LOC730098: variants seen among roughly 807,000 people sequenced by gnomAD.
At chr9:34,665,598 C>G in the LOC730098 span, 2 of 677,826 alleles carry the variant, frequency 3.0e-6, no homozygotes, top group Non-Finnish European at 5.4e-6. Flanking sequence ...CTCCGCAGAA[C>G]CCGCCTCCAC....
the LOC730098 span, chr9:34,665,508 G>T: frequency 1.4e-6 from 1 of 697,168 alleles, no homozygotes; most frequent in South Asian, 1.5e-5. Flanking sequence ...TCGCGCCCAC[G>T]CCCCTGGGAG....
chr9:34,665,227 G>A, the LOC730098 span: 2 of 681,522 alleles, frequency 2.9e-6, no homozygotes, highest in African/African-American at 3.5e-5. Context: ...AGGCGGGGCG[G>A]GAGCTACCGG....
the LOC730098 span, chr9:34,665,102 A>C: frequency 1.2e-5 from 7 of 598,080 alleles, no homozygotes; most frequent in Admixed American, 2.1e-4. Flanking sequence ...CCACGACCCG[A>C]GCGCTGGGGA....
chr9:34,665,973 G>A, the LOC730098 span: 1 of 465,790 alleles, frequency 2.1e-6, no homozygotes, highest in Non-Finnish European at 3.9e-6. Flanking sequence ...AGGGGCTGGG[G>A]TCACCTGGAG....
chr9:34,665,333 T>G, the LOC730098 span: 4 of 657,714 alleles, frequency 6.1e-6, no homozygotes, highest in Non-Finnish European at 1.1e-5. Context: ...CTCCGCCACA[T>G]GCGAAGCCAG....
chr9:34,665,239 T>C, the LOC730098 span: 1 of 688,898 alleles, frequency 1.5e-6, no homozygotes, highest in East Asian at 2.7e-5. Context: ...AGCTACCGGA[T>C]TCCCCCCGAT....
chr9:34,665,868 C>G, the LOC730098 span: 1 of 590,222 alleles, frequency 1.7e-6, no homozygotes, highest in East Asian at 2.8e-5. Context: ...GTGAGGAGGC[C>G]GGTCATCTCC....
the LOC730098 span, chr9:34,664,840 G>C: frequency 1.7e-5 from 7 of 414,366 alleles, 1 homozygote; most frequent in Non-Finnish European, 2.6e-5. Context: ...GGGTTTTTGG[G>C]GGTTGGGATT....
the LOC730098 span, chr9:34,665,015 C>A: frequency 1.7e-6 from 1 of 582,248 alleles, no homozygotes; most frequent in South Asian, 2.1e-5. Context: ...GTCAGGAGGT[C>A]AGTACGGTGG....
the LOC730098 span, chr9:34,665,487 A>C: frequency 7.2e-6 from 5 of 696,736 alleles, no homozygotes; most frequent in African/African-American, 1.8e-5. Context: ...CGCCTCTAAA[A>C]GCGGCTCCCT....
the LOC730098 span, chr9:34,664,995 CGGCGGCAGA>C: frequency 1.7e-3 from 934 of 553,008 alleles, 18 homozygotes; most frequent in Admixed American, 0.03. Context: ...ATGGCGACAG[CGGCGGCAGA>C]GTCAGGAGGT....
At chr9:34,664,704 C>T in the LOC730098 span, 2 of 236,860 alleles carry the variant, frequency 8.4e-6, no homozygotes, top group South Asian at 3.4e-4. Flanking sequence ...TACACCTCTG[C>T]TTAAAATGTT....
At chr9:34,665,985 G>C in the LOC730098 span, 7 of 441,478 alleles carry the variant, frequency 1.6e-5, no homozygotes, top group East Asian at 8.8e-5. Context: ...CACCTGGAGG[G>C]GGGGCTGAGA....
the LOC730098 span, chr9:34,664,843 T>G: frequency 2.4e-6 from 1 of 408,226 alleles, no homozygotes. Context: ...TTTTTGGGGG[T>G]TGGGATTGGG....
At chr9:34,665,982 AG>A in the LOC730098 span, 10 of 422,072 alleles carry the variant, frequency 2.4e-5, no homozygotes, top group Non-Finnish European at 3.0e-5. Flanking sequence ...GGTCACCTGG[AG>A]GGGGGGCTGA....
the LOC730098 span, chr9:34,665,027 C>T: frequency 1.7e-4 from 103 of 590,200 alleles, no homozygotes; most frequent in Non-Finnish European, 2.7e-4. Flanking sequence ...GTACGGTGGG[C>T]TTCGGTTTAA....
the LOC730098 span, chr9:34,665,984 G>T: frequency 3.8e-5 from 17 of 443,072 alleles, no homozygotes; most frequent in East Asian, 1.3e-4. Flanking sequence ...TCACCTGGAG[G>T]GGGGGCTGAG....
At chr9:34,665,232 T>C in the LOC730098 span, 1 of 683,102 alleles carries the variant, frequency 1.5e-6, no homozygotes, top group African/African-American at 1.8e-5. Context: ...GGGCGGGAGC[T>C]ACCGGATTCC....
chr9:34,665,821 T>G, the LOC730098 span: 25 of 611,194 alleles, frequency 4.1e-5, no homozygotes, highest in Middle Eastern at 4.3e-4. Context: ...CGGGACAGGG[T>G]GGGCTTGGAG....
Sources: gnomAD v4.1 joint callset for allele counts on GRCh38, gnomAD v4.1.1 for gene constraint, MANE v1.5 for transcripts.